ZMYND8: variants seen among roughly 807,000 people sequenced by gnomAD.
ZMYND8 encodes MYND-type zinc finger-containing chromatin reader ZMYND8.
ZMYND8 carries 37 observed loss-of-function variants against 140.8 expected under a neutral mutation model. That is an observed-to-expected ratio of 0.26 (90% CI 0.20 to 0.35). ZMYND8 has a LOEUF of 0.35. Among genes scored for constraint, ZMYND8 ranks in the 10% least tolerant of loss-of-function variants. The probability of loss-of-function intolerance (pLI) is 1.00; values close to 1 mark genes in which losing one functional copy is unlikely to be tolerated. For missense variants in ZMYND8, 1,068 were observed against 1,570.0 expected, an observed-to-expected ratio of 0.68 and a Z score of 5.40; for synonymous variants, 592 against 597.1, an observed-to-expected ratio of 0.99 and a Z score of 0.12.
intron 19 of ZMYND8, among the ~76,000 whole-genome samples, chr20:47,223,745 G>T (rs1433269977): frequency 6.6e-6 from 1 of 150,658 alleles, no homozygotes; most frequent in East Asian, 1.9e-4. Flanking sequence ...AGAATCGCTT[G>T]AACCCGGAAG....
chr20:47,279,196 A>T (rs574291932), intron 10 of ZMYND8, among the ~76,000 whole-genome samples: 1 of 152,312 alleles, frequency 6.6e-6, no homozygotes, highest in Admixed American at 6.5e-5. Context: ...AAGGCTGGGC[A>T]TGGTGACTCA....
Position 47,246,060 on chromosome 20 carries a change from C to G in ZMYND8, c.2232G>C (p.Arg744=). ...GTTCCTTCTTATTTTTTCGACCCTCCCGCCCAGAATGGTCTTCTCCTAAAT... is the reference window on the plus strand; with the variant it reads ...GTTCCTTCTTATTTTTTCGACCCTCGCGCCCAGAATGGTCTTCTCCTAAAT... The part of the protein sequence containing the change: ...VIDLGEDHSG[R]EGRKNKKEPK... The change falls in exon 14 of 23, where the codon CGG becomes CGC. Residue 744 remains arginine, a synonymous_variant. Transcript: ENST00000471951. 1 of 1,612,708 alleles carries G rather than the reference C, an allele frequency of 6.2e-7. No individual in the cohort carries two copies. The highest frequency in any genetic ancestry group is 8.5e-7 in the Non-Finnish European group (1 of 1,179,634).
At chr20:47,321,047 G>T (rs1431681654) in intron 2 of ZMYND8, among the ~76,000 whole-genome samples, 1 of 152,190 alleles carries the variant, frequency 6.6e-6, no homozygotes, top group Non-Finnish European at 1.5e-5. Context: ...AGACATGGAG[G>T]AACACCCAGG....
rs1482361723 is a variant in ZMYND8 at position 47,309,028 on chromosome 20, C to T, written c.234+1028G>A. Among the ~76,000 whole-genome samples, 6 of 152,154 alleles carry T rather than the reference C, an allele frequency of 3.9e-5. No individual in the cohort carries two copies. The East Asian group carries it at 9.6e-4, about 24-fold the overall frequency. On this transcript the variant is annotated intron_variant, in intron 3 of 22. Coordinates refer to ENST00000471951, the MANE Select transcript of ZMYND8 (RefSeq NM_001281775.3). ...GTGCTATGAGATCCGACCTCATAGT[C>T]CAGGGGGATAGATACAATCCACCAG...
rs763701310 is a variant in ZMYND8, at chr20:47,210,809, C to G, written c.3657G>C (p.Thr1219=). ...TRSDHNTSTS[T]KSLLPKESRL... ...GAGACTCTTTCGGGAGGAGGCTCTT[C>G]GTGCTGGTACTGGTGTTGTGATCGG... The change falls in exon 23 of 23, where the codon ACG becomes ACC. Residue 1219 remains threonine (T), a synonymous_variant. Transcript: ENST00000471951. The G allele has an allele frequency of 6.2e-7, 1 of 1,614,134 alleles. No individual in the cohort carries two copies. The highest frequency in any genetic ancestry group is 1.7e-5 in the Admixed American group (1 of 60,016).
At position 47,216,532 on chromosome 20, in the gene ZMYND8, C is replaced by T. The variant is rs140316986; in HGVS notation, c.3484+3726G>A. On this transcript the variant is annotated intron_variant, in intron 21 of 22. Coordinates refer to ENST00000471951, the MANE Select transcript of ZMYND8 (RefSeq NM_001281775.3). ...AAAAAAAAAAAAGGGCCGGGCTGGG[C>T]GTAGTGGCTCAAGCTTGTAATCCCA... Among the ~76,000 whole-genome samples the T allele has an allele frequency of 6.8e-3, 890 of 129,936 alleles. 4 individuals carry two copies. The highest frequency in any genetic ancestry group is 9.6e-3 in the Non-Finnish European group (611 of 63,584). The allele number at this position is 129,936 out of a possible 152,430, so 85.2% of individuals were successfully genotyped here.
intron 3 of ZMYND8, among the ~76,000 whole-genome samples, chr20:47,301,914 C>T (rs965925999): frequency 6.6e-6 from 1 of 152,058 alleles, no homozygotes; most frequent in Non-Finnish European, 1.5e-5. Context: ...CCATGATGTT[C>T]TGGTGATAGT....
chr20:47,236,034 G>C (rs566865096), intron 16 of ZMYND8, among the ~76,000 whole-genome samples: 1 of 152,360 alleles, frequency 6.6e-6, no homozygotes, highest in East Asian at 1.9e-4. Flanking sequence ...ATGTGTTCCA[G>C]TGCCTTAATG....
chr20:47,221,442 C>G lies in ZMYND8; in HGVS notation c.3289G>C (p.Val1097Leu). The change falls in exon 20 of 23, where the codon GTG (valine) becomes CTG (leucine). Residue 1097 changes from valine (V) to leucine (L), a missense_variant. Around this residue, in one of 10 missense-constraint regions of ZMYND8, gnomAD observed 180 missense variants for 187.8 expected, o/e 0.96. Coordinates refer to ENST00000471951, the MANE Select transcript of ZMYND8 (RefSeq NM_001281775.3). ...GACTTATTTAGTGTTTCTGTGTTCACCTCAGCATCCGCTTCCTGCTGAGGA... is the reference window on the plus strand; with the variant it reads ...GACTTATTTAGTGTTTCTGTGTTCAGCTCAGCATCCGCTTCCTGCTGAGGA... ...TAPQQEADAE[V>L]NTETLNKSSQ... The G allele has an allele frequency of 1.2e-6, 2 of 1,614,132 alleles. No homozygotes were observed. The highest frequency in any genetic ancestry group is 1.7e-6 in the Non-Finnish European group (2 of 1,180,016).
At chr20:47,317,233 C>T (rs1451657144) in intron 2 of ZMYND8, among the ~76,000 whole-genome samples, 2 of 152,144 alleles carry the variant, frequency 1.3e-5, no homozygotes, top group Non-Finnish European at 2.9e-5. Flanking sequence ...CTGATGACAC[C>T]GTTCTCTCAA....
At chr20:47,277,219 C>T (rs1362254856) in intron 10 of ZMYND8, among the ~76,000 whole-genome samples, 2 of 152,246 alleles carry the variant, frequency 1.3e-5, no homozygotes, top group Non-Finnish European at 2.9e-5. Flanking sequence ...CTTTGGAATA[C>T]TGCATCCCTA....
At chr20:47,255,181 A>G (rs2074499390) in intron 12 of ZMYND8, among the ~76,000 whole-genome samples, 1 of 152,128 alleles carries the variant, frequency 6.6e-6, no homozygotes, top group Admixed American at 6.6e-5. Flanking sequence ...CCTGGGAGAC[A>G]AAAACCATTC....
At chr20:47,290,321 C>A (rs943761193) in intron 6 of ZMYND8, 47 bp from the exon 7 acceptor site, 1 of 1,553,828 alleles carries the variant, frequency 6.4e-7, no homozygotes, top group Admixed American at 1.8e-5. Context: ...TCTAGACAAG[C>A]CACAGTCAGT....
In ZMYND8 at chr20:47,271,184, G is replaced by GGT. The variant is rs746566840; in HGVS notation, c.1480+5129_1480+5130insAC. 5.9e-5 allele frequency among the ~76,000 whole-genome samples: 9 copies of GGT among 152,272 alleles called. No individual in the cohort carries two copies. The East Asian group carries it at 1.2e-3, about 20-fold the overall frequency. The stretch of plus-strand genomic sequence containing the variant: ...AAAGGTCCCTGGTCTCTTTCAGAAA[G>GGT]GCACAACTCTCTAGCTCAGCGTCTT... On this transcript the variant is annotated intron_variant, in intron 11 of 22. Transcript: ENST00000471951.
At chr20:47,297,416 T>C (rs1362268957) in intron 4 of ZMYND8, among the ~76,000 whole-genome samples, 1 of 145,000 alleles carries the variant, frequency 6.9e-6, no homozygotes, top group Non-Finnish European at 1.5e-5. Flanking sequence ...CAAACTCCAA[T>C]GTACCTTTTT....
At chr20:47,272,506 G>A (rs901590943) in intron 11 of ZMYND8, among the ~76,000 whole-genome samples, 7 of 152,112 alleles carry the variant, frequency 4.6e-5, no homozygotes, top group Admixed American at 1.3e-4. Flanking sequence ...CATCGAGATC[G>A]CGCAAACAAA....
Position 47,227,298 on chromosome 20 carries a change from G to C in ZMYND8, c.2938-17C>G. On this transcript the variant is annotated splice_polypyrimidine_tract_variant and intron_variant, in intron 17 of 22. Coordinates refer to ENST00000471951, the MANE Select transcript of ZMYND8 (RefSeq NM_001281775.3). ...CCTGCGAATCTGGAAGAGGGAGAGT[G>C]AGCGTCTTCAAAAGCTGTCTCATGC... 1 of 1,613,788 alleles carries C rather than the reference G, an allele frequency of 6.2e-7. No homozygotes were observed. Among genetic ancestry groups the C allele is most frequent in the Non-Finnish European group, 8.5e-7 (1 of 1,179,740 alleles).
At chr20:47,226,653 T>G (rs2037751412) in intron 18 of ZMYND8, among the ~76,000 whole-genome samples, 1 of 151,460 alleles carries the variant, frequency 6.6e-6, no homozygotes, top group African/African-American at 2.4e-5. Context: ...GCATGCGGAG[T>G]GTGAAAAAAA....
chr20:47,212,576 C>A (rs2035438413), intron 22 of ZMYND8, 66 bp downstream of exon 22: 2 of 1,560,826 alleles, frequency 1.3e-6, no homozygotes, highest in Non-Finnish European at 1.8e-6. Flanking sequence ...CGGACACACA[C>A]AGAACAAGCC....
Sources: gnomAD v4.1 joint callset for allele counts (sites outside exome capture counted in the v4.1 genomes callset) on GRCh38, gnomAD v4.1.1 for gene constraint, gnomAD v4.1.1 regional missense constraint, MANE v1.5 for transcripts, NCBI Gene and HGNC (gene_info 2026-07-23, HGNC 2026-07-21) for gene names.